Variants in DCHS2 observed in about 807,000 individuals in gnomAD.
DCHS2 encodes the protein protocadherin-23.
A neutral mutation model predicts 182.4 loss-of-function variants in DCHS2; 142 were observed. The observed-to-expected ratio is 0.78, with a 90% CI of 0.68 to 0.89. DCHS2 has a LOEUF of 0.89. Among genes scored for constraint, DCHS2 ranks in the 40% least tolerant of loss-of-function variants. The pLI, the probability that DCHS2 is intolerant of heterozygous loss-of-function variation, is 0.00. For missense variants in DCHS2, 4,319 were observed against 4,198.6 expected, an observed-to-expected ratio of 1.03 and a Z score of -0.79; for synonymous variants, 1,740 against 1,663.3, an observed-to-expected ratio of 1.05 and a Z score of -1.12.
intron 14 of DCHS2, among the ~76,000 whole-genome samples, chr4:154,260,492 A>G (rs1732938441): frequency 6.6e-6 from 1 of 152,130 alleles, no homozygotes; most frequent in Non-Finnish European, 1.5e-5. Flanking sequence ...TCTGAATTTA[A>G]TAAAAAAAAA....
chr4:154,262,455 C>T (rs77322276), intron 14 of DCHS2, among the ~76,000 whole-genome samples: 1 of 152,168 alleles, frequency 6.6e-6, no homozygotes, highest in East Asian at 1.9e-4. Context: ...TACGCAGAAA[C>T]TAACACCTTC....
At chr4:154,239,410 AT>A in intron 18 of DCHS2, 108 bp from the exon 19 acceptor site, 1 of 1,508,936 alleles carries the variant, frequency 6.6e-7, no homozygotes, top group Non-Finnish European at 8.9e-7. Flanking sequence ...TATGGAAACC[AT>A]ACAATACAAC....
At chr4:154,304,521 A>G in intron 12 of DCHS2, 148 bp downstream of exon 12, 3 of 606,918 alleles carry the variant, frequency 4.9e-6, no homozygotes, top group South Asian at 2.4e-5. Flanking sequence ...AATACTTACC[A>G]ATTTGGGAGG....
chr4:154,342,559 A>G (rs1729156896), intron 3 of DCHS2, among the ~76,000 whole-genome samples: 2 of 152,256 alleles, frequency 1.3e-5, no homozygotes, highest in African/African-American at 4.8e-5. Flanking sequence ...TCATTTCAAC[A>G]ATGTTCACAT....
chr4:154,447,251 C>T (rs1734339824), intron 1 of DCHS2, among the ~76,000 whole-genome samples: 1 of 152,062 alleles, frequency 6.6e-6, no homozygotes, highest in African/African-American at 2.4e-5. Context: ...GAGATTGTGC[C>T]ACTGTGCTCC....
At position 154,389,530 on chromosome 4, in the gene DCHS2, A is replaced by T. The variant is rs1294986717; in HGVS notation, c.2053-12086T>A. On this transcript the variant is annotated intron_variant, in intron 1 of 19. Transcript: ENST00000357232. ...AAAGACAAAGGTTATATATATATAT[A>T]TATATAACCTTTTTTTAAAGGACCT... Among the ~76,000 whole-genome samples the T allele has an allele frequency of 1.4e-5, 2 of 146,928 alleles. 1 individual carries two copies. Among genetic ancestry groups the T allele is most frequent in the Non-Finnish European group, 3.0e-5 (2 of 66,128 alleles).
At chr4:154,447,058 G>A (rs1414782627) in intron 1 of DCHS2, among the ~76,000 whole-genome samples, 1 of 152,048 alleles carries the variant, frequency 6.6e-6, no homozygotes, top group African/African-American at 2.4e-5. Context: ...TTGGGAGGCC[G>A]AGGCGGGCAG....
chr4:154,443,060 A>G (rs921818352), intron 1 of DCHS2, among the ~76,000 whole-genome samples: 1 of 152,002 alleles, frequency 6.6e-6, no homozygotes, highest in African/African-American at 2.4e-5. Context: ...TCACTCCAGT[A>G]TCCACTCCAA....
Position 154,304,751 on chromosome 4 carries a change from G to C in DCHS2, c.5523C>G (p.Asn1841Lys). Residue 1841 changes from asparagine (N) to lysine (K), a missense_variant, in exon 12 of 20, where the codon AAC becomes AAG. Coordinates refer to ENST00000357232, the MANE Select transcript of DCHS2 (RefSeq NM_001358235.2). ...VSSYDIEVLE[N>K]QEPEVVYTVL... Reference sequence around the variant, plus strand: ...CCGTATAGACAACCTCTGGTTCCTGGTTTTCCAGAACCTCAATGTCATAAC... The same window carrying C: ...CCGTATAGACAACCTCTGGTTCCTGCTTTTCCAGAACCTCAATGTCATAAC... 2.5e-6 allele frequency: 4 copies of C among 1,614,006 alleles called. No homozygotes were observed. Among genetic ancestry groups the C allele is most frequent in the Non-Finnish European group, 3.4e-6 (4 of 1,179,968 alleles).
Position 154,376,774 on chromosome 4 carries a change from G to A in DCHS2, c.2244+479C>T, listed in dbSNP as rs569508461. Among the ~76,000 whole-genome samples, 20 of 152,254 alleles carry A rather than the reference G, an allele frequency of 1.3e-4. No individual in the cohort carries two copies. The East Asian group carries it at 3.5e-3, about 26-fold the overall frequency. ...GAAGAACACAGTAAATGAATCCCAA[G>A]GATGTAATCAGCCACATTTAGCATG... On this transcript the variant is annotated intron_variant, in intron 2 of 19. Transcript: ENST00000357232.
At chr4:154,362,619 G>A (rs1041749054) in intron 3 of DCHS2, among the ~76,000 whole-genome samples, 11 of 151,966 alleles carry the variant, frequency 7.2e-5, no homozygotes, top group Non-Finnish European at 7.4e-5. Context: ...TTTGAATTGC[G>A]TGAGTCCACT....
intron 16 of DCHS2, among the ~76,000 whole-genome samples, chr4:154,242,977 A>G (rs1320695117): frequency 6.6e-6 from 1 of 152,188 alleles, no homozygotes; most frequent in Non-Finnish European, 1.5e-5. Context: ...ATGTTCAGAG[A>G]ACCAAATCCA....
At chr4:154,427,617 G>A (rs889816612) in intron 1 of DCHS2, among the ~76,000 whole-genome samples, 5 of 152,206 alleles carry the variant, frequency 3.3e-5, no homozygotes, top group Admixed American at 1.3e-4. Context: ...TAGCATCTGA[G>A]TTATGTCTTG....
At chr4:154,446,958 A>ACG (rs1192591286) in intron 1 of DCHS2, among the ~76,000 whole-genome samples, 2 of 135,700 alleles carry the variant, frequency 1.5e-5, no homozygotes, top group African/African-American at 5.2e-5. Context: ...ACTCATACAC[A>ACG]CGCACACACA....
chr4:154,454,143 A>G (rs908725638), intron 1 of DCHS2, among the ~76,000 whole-genome samples: 2 of 152,094 alleles, frequency 1.3e-5, no homozygotes, highest in African/African-American at 2.4e-5. Flanking sequence ...GCGCACACAC[A>G]CACACACACA....
chr4:154,416,457 C>G (rs1194921414), intron 1 of DCHS2, among the ~76,000 whole-genome samples: 1 of 152,196 alleles, frequency 6.6e-6, no homozygotes. Flanking sequence ...CCCCACCCGA[C>G]GAGGAATACG....
chr4:154,333,030 C>G lies in DCHS2; in HGVS notation c.3178G>C (p.Val1060Leu), dbSNP rs200145926. 1.2e-6 allele frequency: 2 copies of G among 1,614,134 alleles called. No homozygotes were observed. The highest frequency in any genetic ancestry group is 2.7e-5 in the African/African-American group (2 of 75,062). ...ACCAGCAGGGCTGCCTGAGGATGCA[C>G]GCCTTGGTCCTCGGCCCTGAGAGTC... ...TLTLRAEDQG[V>L]HPQAALLVLT... Residue 1060 changes from valine to leucine, a missense_variant, in exon 5 of 20, where the codon GTG becomes CTG. Physicochemically the swap from Val to Leu is conservative, Grantham distance 32 (BLOSUM62 1). Transcript: ENST00000357232.
intron 1 of DCHS2, among the ~76,000 whole-genome samples, chr4:154,441,951 C>T (rs2110957428): frequency 6.6e-6 from 1 of 152,068 alleles, no homozygotes; most frequent in African/African-American, 2.4e-5. Flanking sequence ...CTTTGTTTTG[C>T]CTCTATCTTC....
intron 1 of DCHS2, among the ~76,000 whole-genome samples, chr4:154,423,156 C>T (rs904294276): frequency 6.6e-6 from 1 of 152,296 alleles, no homozygotes; most frequent in Non-Finnish European, 1.5e-5. Flanking sequence ...TAGAAGTTTT[C>T]ATCACCTTGA....
Sources: allele counts gnomAD v4.1 joint callset (sites outside exome capture counted in the v4.1 genomes callset), GRCh38; gene constraint gnomAD v4.1.1; transcripts MANE v1.5; gene names NCBI Gene and HGNC (gene_info 2026-07-23, HGNC 2026-07-21).